The following RAP1GAP variants were observed in gnomAD, a reference collection of about 807,000 sequenced individuals.
RAP1GAP encodes RAP1 GTPase activating protein, also known as rap1 GTPase-activating protein 1.
Under a neutral mutation model 87.2 loss-of-function variants are expected in RAP1GAP, and 35 were observed. The observed-to-expected ratio is 0.40, with a 90% CI of 0.31 to 0.53. The LOEUF (loss-of-function observed/expected upper bound fraction) is 0.53, where lower values mean the gene tolerates loss of function less well. RAP1GAP is among the 20% of genes least tolerant of loss of function. The probability of loss-of-function intolerance (pLI) is 0.48; values close to 1 mark genes in which losing one functional copy is unlikely to be tolerated. For missense variants in RAP1GAP, 734 were observed against 898.9 expected, an observed-to-expected ratio of 0.82 and a Z score of 2.35; for synonymous variants, 375 against 363.9, an observed-to-expected ratio of 1.03 and a Z score of -0.35.
chr1:21,656,417 TAAAAAAAAA>T (rs71661339), intron 1 of RAP1GAP, among the ~76,000 whole-genome samples: 3 of 96,178 alleles, frequency 3.1e-5, no homozygotes, highest in African/African-American at 4.3e-5. Flanking sequence ...AGACTCCATC[TAAAAAAAAA>T]AAAAAAAAAA....
At chr1:21,631,957 G>A (rs182930256) in intron 2 of RAP1GAP, among the ~76,000 whole-genome samples, 29 of 152,276 alleles carry the variant, frequency 1.9e-4, no homozygotes, top group African/African-American at 6.7e-4. Context: ...ACCGCCAAGC[G>A]CCTTCCCTAG....
chr1:21,659,356 G>A (rs2097011936), intron 1 of RAP1GAP, among the ~76,000 whole-genome samples: 1 of 152,064 alleles, frequency 6.6e-6, no homozygotes, highest in Admixed American at 6.5e-5. Flanking sequence ...AGAGAAGGGT[G>A]GGGACCCGGA....
At position 21,605,886 on chromosome 1, in the gene RAP1GAP, C is replaced by T. The variant is rs370400298; in HGVS notation, c.1428+180G>A. 3.7e-4 allele frequency among the ~76,000 whole-genome samples: 56 copies of T among 152,368 alleles called. No homozygotes were observed. The East Asian group carries it at 7.1e-3, about 19-fold the overall frequency. On this transcript the variant is annotated intron_variant, in intron 18 of 24. Coordinates refer to ENST00000374765, the MANE Select transcript of RAP1GAP (RefSeq NM_002885.4). ...TGCAAGCTGTCAGCACCGCAGTGTCCTGGCCTGGGCACTTCACCCCCCTCC... is the reference window on the plus strand; with the variant it reads ...TGCAAGCTGTCAGCACCGCAGTGTCTTGGCCTGGGCACTTCACCCCCCTCC...
intron 6 of RAP1GAP, among the ~76,000 whole-genome samples, 191 bp downstream of exon 6, chr1:21,617,743 G>C (rs1351474715): frequency 6.6e-6 from 1 of 152,208 alleles, no homozygotes; most frequent in African/African-American, 2.4e-5. Flanking sequence ...GGCCCAGGAG[G>C]CTGGAACATT....
rs551088277 is a variant in RAP1GAP, at chr1:21,598,063, G to T, written c.1881C>A (p.Gly627=). 3.3e-6 allele frequency: 5 copies of T among 1,521,612 alleles called. No individual in the cohort carries two copies. The highest frequency in any genetic ancestry group is 4.0e-5 in the Admixed American group (2 of 50,400). 94.3% of individuals were successfully genotyped at this position (1,521,612 alleles called of 1,614,324 possible). The change falls in exon 23 of 25, where the codon GGC becomes GGA. Residue 627 remains glycine (G), a splice_region_variant and synonymous_variant. Transcript: ENST00000374765. The part of the protein sequence containing the change: ...VSTTSGGSSP[G]PSRSPHPDAG... Reference sequence around the variant, plus strand: ...CGTCTGGGTGGGGTGATCGAGAGGGGCCTGGGGAGGGGGGCAGGAGGGAGC... The same window carrying T: ...CGTCTGGGTGGGGTGATCGAGAGGGTCCTGGGGAGGGGGGCAGGAGGGAGC...
At chr1:21,665,223 G>A (rs143906901) in intron 1 of RAP1GAP, 10 of 515,844 alleles carry the variant, frequency 1.9e-5, no homozygotes, top group Admixed American at 1.6e-4. Context: ...AAAGTTGTAC[G>A]GCTGCTCAGT....
rs2079575028 is a variant in RAP1GAP at position 21,613,223 on chromosome 1, A to C, written c.481T>G (p.Cys161Gly). The C allele has an allele frequency of 1.3e-6, 2 of 1,560,050 alleles. No homozygotes were observed. The highest frequency in any genetic ancestry group is 8.8e-7 in the Non-Finnish European group (1 of 1,131,024). The change falls in exon 10 of 25, where the codon TGT becomes GGT. Residue 161 changes from cysteine to glycine, a missense_variant. Transcript: ENST00000374765. The surrounding 1 kb of genome is among the most constrained non-coding windows in gnomAD (Gnocchi z 4.7). Reference protein sequence around the residue: ...PNVVQMAKLVCEDVNVDRFYP... With the variant: ...PNVVQMAKLVGEDVNVDRFYP... ...AACCGATCCACATTGACGTCTTCACACACCAACTGCAGGAGGAGATAAGGG... is the reference window on the plus strand; with the variant it reads ...AACCGATCCACATTGACGTCTTCACCCACCAACTGCAGGAGGAGATAAGGG...
At chr1:21,625,729 A>G (rs1172551798) in intron 3 of RAP1GAP, among the ~76,000 whole-genome samples, 1 of 152,194 alleles carries the variant, frequency 6.6e-6, no homozygotes, top group African/African-American at 2.4e-5. Context: ...TTGTTCAGTT[A>G]TCTATTGCTT....
rs554908759 is a variant in RAP1GAP, at chr1:21,622,216, C to G, written c.-18-2166G>C. 3.1e-6 allele frequency: 1 copy of G among 320,152 alleles called. No homozygotes were observed. The highest frequency in any genetic ancestry group is 2.2e-5 in the African/African-American group (1 of 44,822). The allele number at this position is 320,152 out of a possible 1,614,324, so 19.8% of individuals were successfully genotyped here. A position where few individuals can be genotyped will look rare whatever the true frequency, so the allele number is the denominator to read the frequency against. On this transcript the variant is annotated intron_variant, in intron 3 of 24. Coordinates refer to ENST00000374765, the MANE Select transcript of RAP1GAP (RefSeq NM_002885.4). This position sits in a 1 kb window ranked among gnomAD's most constrained non-coding sequence, Gnocchi z 5.7. ...GCCAGTGTCAGCCCAGAAGCTCACA[C>G]GCCCACCATGACGGAGCCTTGTCCG...
chr1:21,662,877 G>A (rs2152372899), intron 1 of RAP1GAP, among the ~76,000 whole-genome samples: 1 of 152,296 alleles, frequency 6.6e-6, no homozygotes, highest in East Asian at 1.9e-4. Context: ...GATTAAATGA[G>A]ATAGATCCAT....
At chr1:21,659,719 C>T (rs918741776) in intron 1 of RAP1GAP, among the ~76,000 whole-genome samples, 5 of 152,256 alleles carry the variant, frequency 3.3e-5, no homozygotes, top group African/African-American at 1.2e-4. Flanking sequence ...AGATCCAGCT[C>T]TTCCGAGCTC....
intron 1 of RAP1GAP, among the ~76,000 whole-genome samples, chr1:21,664,759 T>C (rs1019118822): frequency 8.1e-5 from 12 of 147,728 alleles, no homozygotes; most frequent in African/African-American, 3.0e-4. Flanking sequence ...ATTTTTTTTT[T>C]CTGGCTGTAG....
intron 19 of RAP1GAP, among the ~76,000 whole-genome samples, 177 bp from the exon 20 acceptor site, chr1:21,601,974 G>C (rs2068946131): frequency 6.6e-6 from 1 of 152,210 alleles, no homozygotes; most frequent in South Asian, 2.1e-4. Context: ...GCCAGTGATG[G>C]GGTTGGCACT....
chr1:21,642,036 A>G (rs1164998205), intron 2 of RAP1GAP, among the ~76,000 whole-genome samples: 1 of 152,128 alleles, frequency 6.6e-6, no homozygotes, highest in Non-Finnish European at 1.5e-5. Flanking sequence ...GAACACCCCC[A>G]CTGCACAAAG....
rs376749585 is a variant in RAP1GAP, at chr1:21,649,774, G to A, written c.-126C>T. 22 of 1,552,386 alleles carry A rather than the reference G, an allele frequency of 1.4e-5. No homozygotes were observed. Among genetic ancestry groups the A allele is most frequent in the African/African-American group, 1.2e-4 (9 of 73,010 alleles). On this transcript the variant is annotated 5_prime_UTR_variant, in exon 2 of 25. Transcript: ENST00000374765. Reference sequence around the variant, plus strand: ...CCCAGTACTCACCACACACTCCGGCGAGAAGTGAAGGACTTGTCCACCCTG... The same window carrying A: ...CCCAGTACTCACCACACACTCCGGCAAGAAGTGAAGGACTTGTCCACCCTG...
At chr1:21,611,862 C>T (rs750076058) in intron 11 of RAP1GAP, 46 bp from the exon 12 acceptor site, 2 of 1,557,046 alleles carry the variant, frequency 1.3e-6, no homozygotes, top group South Asian at 2.2e-5. Flanking sequence ...TCCTGAGAAG[C>T]CCCTGCCCTC....
chr1:21,605,331 G>T (rs1031042799), intron 18 of RAP1GAP, among the ~76,000 whole-genome samples: 2 of 152,198 alleles, frequency 1.3e-5, no homozygotes, highest in African/African-American at 4.8e-5. Context: ...GGCTGCTGCG[G>T]ACACACAGTA....
intron 2 of RAP1GAP, among the ~76,000 whole-genome samples, chr1:21,636,768 T>C (rs897825437): frequency 2.0e-5 from 3 of 150,386 alleles, no homozygotes; most frequent in African/African-American, 7.4e-5. Context: ...GATCATGCCA[T>C]TGCACTCCAG....
chr1:21,605,748 TA>T (rs2074030437), intron 18 of RAP1GAP, among the ~76,000 whole-genome samples: 1 of 152,054 alleles, frequency 6.6e-6, no homozygotes, highest in Admixed American at 6.5e-5. Flanking sequence ...AGATACTCAA[TA>T]AGGAATGAGA....
Sources: allele counts gnomAD v4.1 joint callset (sites outside exome capture counted in the v4.1 genomes callset), GRCh38; gene constraint gnomAD v4.1.1; non-coding constraint Gnocchi (gnomAD v3.1); transcripts MANE v1.5; gene names NCBI Gene and HGNC (gene_info 2026-07-23, HGNC 2026-07-21).